The following SLC41A2 variants were observed in gnomAD, a reference collection of about 807,000 sequenced individuals.
SLC41A2 encodes the protein SLC41A1-like 1.
SLC41A2 carries 32 observed loss-of-function variants against 58.3 expected under a neutral mutation model. The observed-to-expected ratio is 0.55, with a 90% CI of 0.41 to 0.74. The LOEUF is 0.74. Ranked by LOEUF, SLC41A2 falls within the 30% of genes least tolerant of loss-of-function variation. SLC41A2 has a pLI of 0.00. For synonymous variants in SLC41A2, 190 were observed against 235.0 expected (o/e 0.81, Z 1.75); for missense variants, 514 against 680.6 (o/e 0.76, Z 2.72).
chr12:104,911,333 G>A (rs767146283), intron 2 of SLC41A2, among the ~76,000 whole-genome samples: 1 of 152,032 alleles, frequency 6.6e-6, no homozygotes. Context: ...CGTAACTTTG[G>A]CAAAATAAAC....
At chr12:104,933,989 T>C (rs1213079044) in intron 1 of SLC41A2, among the ~76,000 whole-genome samples, 2 of 151,998 alleles carry the variant, frequency 1.3e-5, no homozygotes, top group Non-Finnish European at 2.9e-5. Context: ...ACTTGGGTGA[T>C]GGGTGCGCTA....
At chr12:104,810,026 T>C (rs936128005) in intron 10 of SLC41A2, among the ~76,000 whole-genome samples, 1 of 152,068 alleles carries the variant, frequency 6.6e-6, no homozygotes, top group Non-Finnish European at 1.5e-5. Context: ...TGAGACAGTG[T>C]CATATAGGAG....
chr12:104,879,350 T>A (rs1179489499), intron 6 of SLC41A2, among the ~76,000 whole-genome samples: 1 of 152,244 alleles, frequency 6.6e-6, no homozygotes, highest in Non-Finnish European at 1.5e-5. Context: ...TTTGTTGCCA[T>A]TGCTTTTGGT....
chr12:104,877,321 C>G (rs1715359510), intron 6 of SLC41A2, among the ~76,000 whole-genome samples: 1 of 152,164 alleles, frequency 6.6e-6, no homozygotes. Context: ...AGAGCAGACA[C>G]TTTAGCAATC....
chr12:104,936,451 C>T (rs1312747667), intron 1 of SLC41A2, among the ~76,000 whole-genome samples: 1 of 152,110 alleles, frequency 6.6e-6, no homozygotes, highest in African/African-American at 2.4e-5. Flanking sequence ...ATACCCAAGA[C>T]TGGGCAATCT....
rs952480585 is a variant in SLC41A2, at chr12:104,802,015, T to C, written c.*3137A>G. 7.2e-5 allele frequency among the ~76,000 whole-genome samples: 11 copies of C among 152,178 alleles called. No individual in the cohort carries two copies. The highest frequency in any genetic ancestry group is 1.5e-4 in the Non-Finnish European group (10 of 68,032). On this transcript the variant is annotated 3_prime_UTR_variant, in exon 11 of 11. Coordinates refer to ENST00000258538, the MANE Select transcript of SLC41A2 (RefSeq NM_001352171.3). The stretch of plus-strand genomic sequence containing the variant: ...AGAACCCCGTTATAAATGGGTACAC[T>C]ATACCATAGATATAAGGCAAGGAAT...
In SLC41A2 at chr12:104,849,140, A is replaced by AT. The variant is rs1322586071; in HGVS notation, c.1256-3167dup. ...AGATGATAACGAATGGATGAAAAGGATTTTTTAACAAAATAGATAAATTAC... is the reference window on the plus strand; with the variant it reads ...AGATGATAACGAATGGATGAAAAGGATTTTTTTAACAAAATAGATAAATTAC... On this transcript the variant is annotated intron_variant, in intron 8 of 10. Transcript: ENST00000258538. Among the ~76,000 whole-genome samples, 8 of 152,328 alleles carry AT rather than the reference A, an allele frequency of 5.3e-5. No homozygotes were observed. In the South Asian group the frequency reaches 1.2e-3, roughly 24 times the overall value.
chr12:104,876,562 T>C (rs562743114), intron 6 of SLC41A2, among the ~76,000 whole-genome samples: 36 of 152,268 alleles, frequency 2.4e-4, no homozygotes, highest in Admixed American at 8.5e-4. Flanking sequence ...TGTTTTTGAA[T>C]TTTCCAGTTT....
chr12:104,888,095 ATTTTTG>A (rs2044762881), intron 5 of SLC41A2, among the ~76,000 whole-genome samples: 1 of 152,068 alleles, frequency 6.6e-6, no homozygotes, highest in South Asian at 2.1e-4. Context: ...TGGCATAATT[ATTTTTG>A]TACCAACAAT....
intron 1 of SLC41A2, among the ~76,000 whole-genome samples, chr12:104,956,938 G>A (rs183393652): frequency 2.7e-4 from 41 of 152,232 alleles, no homozygotes; most frequent in Non-Finnish European, 5.1e-4. Context: ...TGAAGAAATC[G>A]GAACCCTCAT....
At chr12:104,917,509 TA>T (rs2046381054) in intron 2 of SLC41A2, among the ~76,000 whole-genome samples, 1 of 151,862 alleles carries the variant, frequency 6.6e-6, no homozygotes, top group Non-Finnish European at 1.5e-5. Context: ...CATGCTGCTA[TA>T]AAGACACATG....
intron 8 of SLC41A2, among the ~76,000 whole-genome samples, chr12:104,856,072 A>G (rs753602059): frequency 1.4e-4 from 21 of 152,222 alleles, no homozygotes; most frequent in African/African-American, 4.8e-4. Context: ...CGAGCTGCTG[A>G]TTCAGGCTTA....
chr12:104,943,347 G>T (rs796907551), intron 1 of SLC41A2, among the ~76,000 whole-genome samples: 20 of 151,770 alleles, frequency 1.3e-4, no homozygotes, highest in African/African-American at 4.3e-4. Context: ...AGACCCTGGG[G>T]CCTCCTCAGC....
At chr12:104,901,284 T>A (rs2045546438) in intron 3 of SLC41A2, among the ~76,000 whole-genome samples, 1 of 151,984 alleles carries the variant, frequency 6.6e-6, no homozygotes, top group Admixed American at 6.6e-5. Flanking sequence ...ATTTTAGACC[T>A]CAAACAATAG....
chr12:104,897,149 T>TC (rs1009443798), intron 3 of SLC41A2, among the ~76,000 whole-genome samples: 5 of 138,936 alleles, frequency 3.6e-5, no homozygotes, highest in African/African-American at 1.1e-4. Flanking sequence ...TTTTTCTTTT[T>TC]TTTTTTTTTT....
At chr12:104,849,943 G>A (rs974180838) in intron 8 of SLC41A2, among the ~76,000 whole-genome samples, 11 of 152,126 alleles carry the variant, frequency 7.2e-5, no homozygotes, top group African/African-American at 2.2e-4. Context: ...ACAACAGTTC[G>A]AAGAATGAGC....
At position 104,892,328 on chromosome 12, in the gene SLC41A2, A is replaced by AAAAAAAAAAAAAAAAAAAAAAAAAAAC. The variant is rs1272873332; in HGVS notation, c.735+2945_735+2946insGTTTTTTTTTTTTTTTTTTTTTTTTTT. Reference sequence around the variant, plus strand: ...AAATAAAATAAAATAAAATAAAATAAAATAAAATATTGATGCAAGAAATTG... The same window carrying AAAAAAAAAAAAAAAAAAAAAAAAAAAC: ...AAATAAAATAAAATAAAATAAAATAAAAAAAAAAAAAAAAAAAAAAAAAAAACAATAAAATATTGATGCAAGAAATTG... On this transcript the variant is annotated intron_variant, in intron 4 of 10. Transcript: ENST00000258538. 5.5e-5 allele frequency among the ~76,000 whole-genome samples: 7 copies of AAAAAAAAAAAAAAAAAAAAAAAAAAAC among 126,926 alleles called. 1 individual carries two copies. The highest frequency in any genetic ancestry group is 2.2e-4 in the African/African-American group (6 of 26,902). 83.3% of individuals were successfully genotyped at this position (126,926 alleles called of 152,430 possible). A position where few individuals can be genotyped will look rare whatever the true frequency, so the allele number is the denominator to read the frequency against.
intron 10 of SLC41A2, among the ~76,000 whole-genome samples, chr12:104,828,466 C>CCAT (rs2041928020): frequency 6.6e-6 from 1 of 152,282 alleles, no homozygotes; most frequent in East Asian, 1.9e-4. Flanking sequence ...CTAACATAAA[C>CCAT]CATCTACGGA....
In SLC41A2 at chr12:104,915,737, T is replaced by G. The variant is rs375723562; in HGVS notation, c.556-5975A>C. On this transcript the variant is annotated intron_variant, in intron 2 of 10. Coordinates refer to ENST00000258538, the MANE Select transcript of SLC41A2 (RefSeq NM_001352171.3). ...CAAACAGGGACAATTTGACTTCCTC[T>G]TTTCCTAATTGAATACCCTGTATTT... 5.3e-4 allele frequency among the ~76,000 whole-genome samples: 80 copies of G among 152,326 alleles called. No homozygotes were observed. In the East Asian group the frequency reaches 0.012, roughly 23 times the overall value.
Sources: allele counts gnomAD v4.1 joint callset (sites outside exome capture counted in the v4.1 genomes callset), GRCh38; gene constraint gnomAD v4.1.1; transcripts MANE v1.5; gene names NCBI Gene and HGNC (gene_info 2026-07-23, HGNC 2026-07-21).